RARRES1: variants seen among roughly 807,000 people sequenced by gnomAD.
The protein encoded by RARRES1 is retinoic acid receptor responder protein 1.
In RARRES1, 34 loss-of-function variants were observed where a neutral mutation model predicts 30.6. That is an observed-to-expected ratio of 1.11 (90% CI 0.84 to 1.48). The LOEUF (loss-of-function observed/expected upper bound fraction) is 1.48, where lower values mean the gene tolerates loss of function less well. RARRES1 is among the 40% of genes most tolerant of loss of function. The pLI is 0.00. For missense variants in RARRES1, 373 were observed against 386.5 expected (o/e 0.97, Z 0.29); for synonymous variants, 153 against 155.5 (o/e 0.98, Z 0.12).
chr3:158,713,914 T>C (rs546304774), intron 1 of RARRES1, 55 bp from the exon 2 acceptor site: 1 of 1,448,334 alleles, frequency 6.9e-7, no homozygotes, highest in East Asian at 2.3e-5. Flanking sequence ...AACATCCTCA[T>C]ATCCAGGAAT....
intron 1 of RARRES1, among the ~76,000 whole-genome samples, chr3:158,722,126 G>A (rs1425857452): frequency 4.2e-5 from 6 of 141,840 alleles, no homozygotes; most frequent in East Asian, 4.1e-4. Flanking sequence ...GAAGGAACAC[G>A]AAGAAGGCAG....
intron 4 of RARRES1, among the ~76,000 whole-genome samples, chr3:158,702,952 T>C (rs560564282): frequency 6.6e-6 from 1 of 152,364 alleles, no homozygotes; most frequent in Admixed American, 6.5e-5. Flanking sequence ...CTATGTATTA[T>C]TGACATTAAA....
intron 2 of RARRES1, among the ~76,000 whole-genome samples, chr3:158,713,557 G>A (rs570837209): frequency 6.6e-6 from 1 of 152,268 alleles, no homozygotes; most frequent in South Asian, 2.1e-4. Flanking sequence ...GGAAGAGGGA[G>A]GTGATCGCTT....
In RARRES1 at chr3:158,732,265, C is replaced by T. The variant is rs1037448017; in HGVS notation, c.151G>A (p.Asp51Asn). 3 of 1,366,694 alleles carry T rather than the reference C, an allele frequency of 2.2e-6. No individual in the cohort carries two copies. The highest frequency in any genetic ancestry group is 3.1e-5 in the African/African-American group (2 of 65,326). 84.7% of individuals were successfully genotyped at this position (1,366,694 alleles called of 1,614,324 possible). A position where few individuals can be genotyped will look rare whatever the true frequency, so the allele number is the denominator to read the frequency against. The change falls in exon 1 of 6, where the codon GAT becomes AAT. Residue 51 changes from aspartate (D) to asparagine (N), a missense_variant. By Grantham distance (23) the Asp-to-Asn change is conservative. Transcript: ENST00000237696. ...AGGAGCCTGCGCGGGACCCCAGCAT[C>T]CTGAGGCTGCCCAGGGTCGTCGGGG... The part of the protein sequence containing the change: ...GDPDDPGQPQ[D>N]AGVPRRLLQQ...
At chr3:158,716,242 G>C (rs1325342126) in intron 1 of RARRES1, among the ~76,000 whole-genome samples, 1 of 152,204 alleles carries the variant, frequency 6.6e-6, no homozygotes, top group Non-Finnish European at 1.5e-5. Context: ...AATGCTGAGG[G>C]TTATAGAAGT....
intron 3 of RARRES1, among the ~76,000 whole-genome samples, chr3:158,705,972 CTG>C (rs1726910809): frequency 6.6e-6 from 1 of 152,198 alleles, no homozygotes; most frequent in Non-Finnish European, 1.5e-5. Context: ...TATGAGGTGA[CTG>C]TTCATGAACC....
intron 1 of RARRES1, among the ~76,000 whole-genome samples, chr3:158,728,210 T>TA (rs1553746094): frequency 0.012 from 1,676 of 144,848 alleles, 13 homozygotes; most frequent in African/African-American, 0.03. Context: ...CTATTTCGTT[T>TA]AAAAAAAAAA....
chr3:158,720,260 G>GTGTA (rs1251331596), intron 1 of RARRES1, among the ~76,000 whole-genome samples: 1 of 144,624 alleles, frequency 6.9e-6, no homozygotes. Flanking sequence ...GTGTGTGTGT[G>GTGTA]TGTGTATGTG....
chr3:158,714,679 A>T (rs1179529667), intron 1 of RARRES1, among the ~76,000 whole-genome samples: 1 of 152,246 alleles, frequency 6.6e-6, no homozygotes, highest in African/African-American at 2.4e-5. Context: ...ATTGCAATTT[A>T]AACTGTTTAG....
At chr3:158,718,458 A>G (rs1727396185) in intron 1 of RARRES1, among the ~76,000 whole-genome samples, 1 of 152,234 alleles carries the variant, frequency 6.6e-6, no homozygotes, top group Non-Finnish European at 1.5e-5. Flanking sequence ...AAATACAAAA[A>G]TGCAAATTAA....
chr3:158,704,558 T>C, intron 4 of RARRES1: 1 of 501,666 alleles, frequency 2.0e-6, no homozygotes, highest in Non-Finnish European at 3.2e-6. Context: ...TCTCTTTTTA[T>C]CTTCTCTCAC....
At chr3:158,718,862 AG>A (rs1236484341) in intron 1 of RARRES1, among the ~76,000 whole-genome samples, 2 of 152,218 alleles carry the variant, frequency 1.3e-5, no homozygotes, top group African/African-American at 4.8e-5. Flanking sequence ...CCGTGAAAAA[AG>A]TAAGTAGACT....
chr3:158,709,399 A>G (rs1366068048), intron 3 of RARRES1, among the ~76,000 whole-genome samples: 1 of 152,216 alleles, frequency 6.6e-6, no homozygotes, highest in African/African-American at 2.4e-5. Context: ...AGTATCAGTC[A>G]TCAGGTCATT....
chr3:158,726,443 G>A (rs185660347), intron 1 of RARRES1, among the ~76,000 whole-genome samples: 3 of 152,318 alleles, frequency 2.0e-5, no homozygotes, highest in African/African-American at 2.4e-5. Context: ...CCCCGAGCAC[G>A]GGCTCCTGCC....
Position 158,707,184 on chromosome 3 carries a change from A to C in RARRES1, c.536-2257T>G, listed in dbSNP as rs1337788829. 1.3e-5 allele frequency among the ~76,000 whole-genome samples: 2 copies of C among 150,344 alleles called. 1 individual carries two copies. The highest frequency in any genetic ancestry group is 4.2e-4 in the South Asian group (2 of 4,752). On this transcript the variant is annotated intron_variant, in intron 3 of 5. Transcript: ENST00000237696. ...TCAAAAAAACAAACAAACAAACAAA[A>C]AAACTACAGATAAATCAAGAAGGAT... is the stretch of plus-strand genomic sequence containing the variant.
chr3:158,729,701 C>G (rs1367559811), intron 1 of RARRES1, among the ~76,000 whole-genome samples: 1 of 152,084 alleles, frequency 6.6e-6, no homozygotes, highest in African/African-American at 2.4e-5. Flanking sequence ...ATCTGCCCAC[C>G]TCGGCCTCCC....
In RARRES1 at chr3:158,732,216, A is replaced by G. The variant is rs2108160850; in HGVS notation, c.200T>C (p.Leu67Pro). The G allele has an allele frequency of 2.1e-6, 3 of 1,411,812 alleles. No homozygotes were observed. Among genetic ancestry groups the G allele is most frequent in the Admixed American group, 3.0e-5 (1 of 33,152 alleles). 87.5% of individuals were successfully genotyped at this position (1,411,812 alleles called of 1,614,324 possible). A position where few individuals can be genotyped will look rare whatever the true frequency, so the allele number is the denominator to read the frequency against. ...GCCGGACCGGAAGTTGAAGAAGTGAAGCGCCGCGCGCGCCGCCTGCTGCAG... is the reference window on the plus strand; with the variant it reads ...GCCGGACCGGAAGTTGAAGAAGTGAGGCGCCGCGCGCGCCGCCTGCTGCAG... Reference protein sequence around the residue: ...RLLQQAARAALHFFNFRSGSP... With the variant: ...RLLQQAARAAPHFFNFRSGSP... The change falls in exon 1 of 6, where the codon CTT (leucine) becomes CCT (proline). Residue 67 changes from leucine (L) to proline (P), a missense_variant. Coordinates refer to ENST00000237696, the MANE Select transcript of RARRES1 (RefSeq NM_206963.2).
At chr3:158,700,680 G>C (rs1726694893) in intron 4 of RARRES1, among the ~76,000 whole-genome samples, 1 of 152,170 alleles carries the variant, frequency 6.6e-6, no homozygotes, top group African/African-American at 2.4e-5. Flanking sequence ...CCCATGTCAA[G>C]CTCTGCCAAG....
intron 4 of RARRES1, among the ~76,000 whole-genome samples, chr3:158,698,937 C>A (rs754923145): frequency 2.0e-5 from 3 of 152,188 alleles, no homozygotes; most frequent in Non-Finnish European, 2.9e-5. Flanking sequence ...TTACCAGACA[C>A]TCCCTGCATG....
Sources: gnomAD v4.1 joint callset for allele counts (sites outside exome capture counted in the v4.1 genomes callset) on GRCh38, gnomAD v4.1.1 for gene constraint, MANE v1.5 for transcripts, NCBI Gene and HGNC (gene_info 2026-07-23, HGNC 2026-07-21) for gene names.